ARNT: variants seen among roughly 807,000 people sequenced by gnomAD.
ARNT encodes aryl hydrocarbon receptor nuclear translocator.
In ARNT, 30 loss-of-function variants were observed where a neutral mutation model predicts 105.0. The observed-to-expected ratio is 0.29, with a 90% CI of 0.21 to 0.39. ARNT has a LOEUF of 0.39. Ranked by LOEUF, ARNT falls within the 10% of genes least tolerant of loss-of-function variation. The probability of loss-of-function intolerance (pLI) is 1.00; values close to 1 mark genes in which losing one functional copy is unlikely to be tolerated. For missense variants in ARNT, 748 were observed against 978.7 expected (o/e 0.76, Z 3.15); for synonymous variants, 304 against 344.0 (o/e 0.88, Z 1.29).
At chr1:150,823,367 C>A in intron 13 of ARNT, 22 bp from the exon 14 acceptor site, 1 of 1,550,314 alleles carries the variant, frequency 6.5e-7, no homozygotes, top group South Asian at 1.2e-5. Context: ...TTCATGCCAT[C>A]AGTGGAACTC....
chr1:150,828,946 A>G (rs1264792447), intron 12 of ARNT, 147 bp downstream of exon 12: 3 of 960,932 alleles, frequency 3.1e-6, no homozygotes. Context: ...TAGGAAGCTG[A>G]AAATAATGTT....
At chr1:150,847,425 CAAA>C (rs587697329) in intron 3 of ARNT, among the ~76,000 whole-genome samples, 5 of 91,748 alleles carry the variant, frequency 5.4e-5, no homozygotes, top group Admixed American at 1.4e-4. Context: ...GACTCCGTCT[CAAA>C]AAAAAAAAAA....
intron 2 of ARNT, 108 bp downstream of exon 2, chr1:150,858,241 G>T: frequency 1.3e-6 from 1 of 769,664 alleles, no homozygotes; most frequent in Non-Finnish European, 2.2e-6. Context: ...TAATCAAGTT[G>T]AAGTGAGATG....
chr1:150,855,329 C>T (rs992888801), intron 2 of ARNT, among the ~76,000 whole-genome samples: 6 of 151,508 alleles, frequency 4.0e-5, no homozygotes, highest in East Asian at 1.9e-4. Context: ...CCAAGGCAGG[C>T]GGATCACGAA....
At chr1:150,852,650 G>C (rs1184441113) in intron 3 of ARNT, 112 bp downstream of exon 3, 1 of 892,358 alleles carries the variant, frequency 1.1e-6, no homozygotes, top group East Asian at 2.6e-5. Context: ...TATAGTTTTA[G>C]GATGAAGTAC....
intron 3 of ARNT, among the ~76,000 whole-genome samples, chr1:150,850,939 G>A (rs1370042249): frequency 1.6e-4 from 23 of 147,900 alleles, no homozygotes; most frequent in African/African-American, 4.3e-4. Flanking sequence ...CCACGACCCC[G>A]TCTGGGAGGT....
intron 3 of ARNT, among the ~76,000 whole-genome samples, chr1:150,851,115 G>A (rs1218119700): frequency 6.6e-6 from 1 of 151,302 alleles, no homozygotes; most frequent in African/African-American, 2.4e-5. Context: ...GAAGTGAGGA[G>A]CATCTCCGCC....
chr1:150,814,319 C>T, intron 19 of ARNT, 80 bp from the exon 20 acceptor site: 1 of 1,341,166 alleles, frequency 7.5e-7, no homozygotes, highest in Non-Finnish European at 1.0e-6. Context: ...AGAGTCAACA[C>T]TGTCAATCAC....
intron 2 of ARNT, among the ~76,000 whole-genome samples, chr1:150,853,467 AT>A (rs1350438888): frequency 6.6e-6 from 1 of 152,210 alleles, no homozygotes; most frequent in Non-Finnish European, 1.5e-5. Flanking sequence ...TCCATGTTTC[AT>A]TTCTAGAGTC....
At position 150,816,838 on chromosome 1, in the gene ARNT, G is replaced by GAAT; in HGVS notation, c.1749_1751dup (p.Leu583dup). 6.3e-7 allele frequency: 1 copy of GAAT among 1,591,340 alleles called. No individual in the cohort carries two copies. The highest frequency in any genetic ancestry group is 8.5e-7 in the Non-Finnish European group (1 of 1,174,482). On this transcript the variant is annotated inframe_insertion, in exon 18 of 22. Transcript: ENST00000358595. ...TAGGAGGGAATGTGTTGCCCTGGGAGAATAGCTGTTGGGTGGCAGGGACAG... is the reference window on the plus strand; with the variant it reads ...TAGGAGGGAATGTGTTGCCCTGGGAGAATAATAGCTGTTGGGTGGCAGGGACAG...
intron 1 of ARNT, among the ~76,000 whole-genome samples, chr1:150,867,210 AAAC>A (rs1402739799): frequency 3.3e-5 from 5 of 151,182 alleles, no homozygotes; most frequent in East Asian, 1.9e-4. Flanking sequence ...TCTTTAAAAA[AAAC>A]AACAACAACA....
intron 3 of ARNT, among the ~76,000 whole-genome samples, chr1:150,849,371 G>A (rs7532045): frequency 0.42 from 63,674 of 151,948 alleles, 13,783 homozygotes; most frequent in South Asian, 0.54. Context: ...AGCAGATTGC[G>A]GTCAAAGTTC....
intron 9 of ARNT, among the ~76,000 whole-genome samples, chr1:150,832,111 AATAG>A (rs1659459736): frequency 6.6e-6 from 1 of 152,192 alleles, no homozygotes; most frequent in Non-Finnish European, 1.5e-5. Context: ...AAGTAGGTAA[AATAG>A]CATAGCGACT....
At position 150,814,114 on chromosome 1, in the gene ARNT, A is replaced by G. The variant is rs1484842754; in HGVS notation, c.2076T>C (p.Ala692=). 6.2e-7 allele frequency: 1 copy of G among 1,614,172 alleles called. No individual in the cohort carries two copies. Among genetic ancestry groups the G allele is most frequent in the Admixed American group, 1.7e-5 (1 of 60,022 alleles). Residue 692 remains alanine (A), a synonymous_variant, in exon 20 of 22, where the codon GCT becomes GCC. Transcript: ENST00000358595. ...PGAPTASPGA[A]AYPSLTNRGS... is the part of the protein sequence containing the mutation. ...CACGATTGGTGAGACTAGGGTAGGC[A>G]GCAGCACCAGGCGATGCAGTTGGGG...
At chr1:150,868,334 G>A (rs904031825) in intron 1 of ARNT, among the ~76,000 whole-genome samples, 1 of 152,002 alleles carries the variant, frequency 6.6e-6, no homozygotes, top group Admixed American at 6.6e-5. Context: ...CTAGCCTCAA[G>A]GGTGAGAAGA....
chr1:150,876,223 G>A (rs979102344), intron 1 of ARNT, among the ~76,000 whole-genome samples: 2 of 152,330 alleles, frequency 1.3e-5, no homozygotes, highest in Admixed American at 6.5e-5. Context: ...GGTTAAAAGA[G>A]GACCACATCA....
At chr1:150,873,985 T>C (rs896905569) in intron 1 of ARNT, among the ~76,000 whole-genome samples, 13 of 148,906 alleles carry the variant, frequency 8.7e-5, no homozygotes, top group African/African-American at 3.2e-4. Context: ...AGTGAAATAT[T>C]TTTTAAAATC....
intron 1 of ARNT, among the ~76,000 whole-genome samples, chr1:150,860,218 C>CTTTTTTTTTTTT (rs756996050): frequency 5.3e-5 from 6 of 113,018 alleles, no homozygotes; most frequent in East Asian, 2.7e-4. Context: ...AAAAAAAATT[C>CTTTTTTTTTTTT]TTTTTTTTTT....
intron 6 of ARNT, among the ~76,000 whole-genome samples, chr1:150,837,254 T>A (rs1660500948): frequency 6.6e-6 from 1 of 152,142 alleles, no homozygotes; most frequent in African/African-American, 2.4e-5. Context: ...TCTCTCTTTT[T>A]CAGCAGCAAG....
Sources: allele counts gnomAD v4.1 joint callset (sites outside exome capture counted in the v4.1 genomes callset), GRCh38; gene constraint gnomAD v4.1.1; transcripts MANE v1.5; gene names NCBI Gene and HGNC (gene_info 2026-07-23, HGNC 2026-07-21).